Variants in DAAM2 observed in about 807,000 individuals in gnomAD.
DAAM2 encodes the protein disheveled-associated activator of morphogenesis 2.
A neutral mutation model predicts 120.7 loss-of-function variants in DAAM2; 39 were observed. The observed-to-expected ratio is 0.32, with a 90% CI of 0.25 to 0.42. DAAM2 has a LOEUF of 0.42. DAAM2 is among the 10% of genes least tolerant of loss of function. The pLI, the probability that DAAM2 is intolerant of heterozygous loss-of-function variation, is 1.00. For synonymous variants in DAAM2, 488 were observed against 524.9 expected (o/e 0.93, Z 0.96); for missense variants, 1,283 against 1,401.7 (o/e 0.92, Z 1.35).
intron 1 of DAAM2, among the ~76,000 whole-genome samples, chr6:39,829,123 G>C (rs551226241): frequency 6.6e-6 from 1 of 152,312 alleles, no homozygotes; most frequent in South Asian, 2.1e-4. Flanking sequence ...TTCACCCAGG[G>C]ACCAGCTTCA....
intron 1 of DAAM2, among the ~76,000 whole-genome samples, chr6:39,832,825 G>C (rs978577019): frequency 6.6e-6 from 1 of 152,172 alleles, no homozygotes; most frequent in Non-Finnish European, 1.5e-5. Context: ...CTCCATTGAA[G>C]GGGCCAGGTC....
intron 1 of DAAM2, among the ~76,000 whole-genome samples, chr6:39,830,515 T>G (rs1211002802): frequency 6.6e-6 from 1 of 152,128 alleles, no homozygotes; most frequent in Admixed American, 6.5e-5. Flanking sequence ...GGACAAGTGA[T>G]GCTGACAGAC....
In DAAM2 at chr6:39,875,460, C is replaced by T. The variant is rs368084257; in HGVS notation, c.1293C>T (p.Ile431=). 7.1e-5 allele frequency: 114 copies of T among 1,613,342 alleles called. No homozygotes were observed. The highest frequency in any genetic ancestry group is 4.0e-4 in the Admixed American group (24 of 59,968). The part of the protein sequence containing the change: ...APLENFNVKN[I]VNMLINENEV... ...TGGAGAACTTCAATGTCAAGAACAT[C>T]GTCAACATGTGAGCAGTGGCCAGCC... Residue 431 remains isoleucine (I), a synonymous_variant, in exon 11 of 25, where the codon ATC becomes ATT. Coordinates refer to ENST00000274867, the MANE Select transcript of DAAM2 (RefSeq NM_001201427.2).
At chr6:39,808,697 CTG>C (rs1482901451) in intron 1 of DAAM2, among the ~76,000 whole-genome samples, 7 of 152,252 alleles carry the variant, frequency 4.6e-5, no homozygotes, top group Non-Finnish European at 5.9e-5. Flanking sequence ...GTGACATACA[CTG>C]TGTTGGCCCT....
At chr6:39,815,981 T>C (rs1762298101) in intron 1 of DAAM2, among the ~76,000 whole-genome samples, 1 of 152,214 alleles carries the variant, frequency 6.6e-6, no homozygotes, top group African/African-American at 2.4e-5. Flanking sequence ...TTCTAAAGAA[T>C]GGACCTTCTA....
At chr6:39,845,767 T>C (rs1048194059) in intron 1 of DAAM2, among the ~76,000 whole-genome samples, 2 of 151,942 alleles carry the variant, frequency 1.3e-5, no homozygotes, top group African/African-American at 4.8e-5. Context: ...TGCTTTGTCC[T>C]GAAAACTCCG....
At chr6:39,891,490 T>TGGCAGGTGG (rs764766532) in intron 18 of DAAM2, 43 bp downstream of exon 18, 980 of 1,548,070 alleles carry the variant, frequency 6.3e-4, no homozygotes, top group African/African-American at 2.2e-3. Context: ...GGTGGGGTTC[T>TGGCAGGTGG]GGCAGGTGGG....
chr6:39,900,254 A>G, intron 23 of DAAM2, 46 bp downstream of exon 23: 3 of 1,594,122 alleles, frequency 1.9e-6, no homozygotes, highest in Non-Finnish European at 1.7e-6. Flanking sequence ...AGCCTTATCT[A>G]AACAAGCTCC....
At chr6:39,850,831 G>A (rs1763782942) in intron 1 of DAAM2, among the ~76,000 whole-genome samples, 1 of 152,180 alleles carries the variant, frequency 6.6e-6, no homozygotes, top group African/African-American at 2.4e-5. Flanking sequence ...TCTGAAGGTA[G>A]GAAAGGAGGC....
chr6:39,817,234 T>C (rs1193240745), intron 1 of DAAM2, among the ~76,000 whole-genome samples: 1 of 152,228 alleles, frequency 6.6e-6, no homozygotes, highest in Non-Finnish European at 1.5e-5. Context: ...CAAAATCCTT[T>C]TATGATTCTA....
intron 1 of DAAM2, among the ~76,000 whole-genome samples, chr6:39,830,959 G>A (rs1391869451): frequency 2.6e-5 from 4 of 152,198 alleles, no homozygotes; most frequent in African/African-American, 9.6e-5. Context: ...ACCGGAGTGG[G>A]CATATTTACA....
chr6:39,803,087 T>C (rs976427001), intron 1 of DAAM2, among the ~76,000 whole-genome samples: 1 of 152,220 alleles, frequency 6.6e-6, no homozygotes, highest in Admixed American at 6.5e-5. Context: ...TCCATTTTTC[T>C]GTTGATGGGC....
intron 3 of DAAM2, 161 bp downstream of exon 3, chr6:39,861,178 G>T: frequency 2.8e-6 from 2 of 707,800 alleles, no homozygotes; most frequent in Non-Finnish European, 5.1e-6. Context: ...AGGAAATTCT[G>T]CTGTCCTGGA....
chr6:39,874,965 C>A (rs1582715314), intron 10 of DAAM2, among the ~76,000 whole-genome samples: 1 of 152,154 alleles, frequency 6.6e-6, no homozygotes, highest in African/African-American at 2.4e-5. Flanking sequence ...CATTATTCAG[C>A]ATGTAATATT....
chr6:39,815,740 A>G (rs1762290536), intron 1 of DAAM2, among the ~76,000 whole-genome samples: 1 of 152,002 alleles, frequency 6.6e-6, no homozygotes, highest in Non-Finnish European at 1.5e-5. Context: ...TGGGGAGACC[A>G]AGGGTATTTG....
intron 1 of DAAM2, among the ~76,000 whole-genome samples, chr6:39,842,547 C>A (rs1005008033): frequency 6.6e-6 from 1 of 152,028 alleles, no homozygotes; most frequent in Non-Finnish European, 1.5e-5. Context: ...GCAGGAGAAT[C>A]GCTTGAACCC....
At chr6:39,899,973 A>G (rs1000024659) in intron 22 of DAAM2, 104 bp from the exon 23 acceptor site, 3 of 1,329,084 alleles carry the variant, frequency 2.3e-6, no homozygotes, top group Admixed American at 2.4e-5. Flanking sequence ...TCCCTCTTCC[A>G]AAGGGCTCAA....
chr6:39,879,302 C>T lies in DAAM2; in HGVS notation c.1670C>T (p.Pro557Leu). ...LPFACCPPPP[P>L]PPLPPGGPPT... ...TTTGCCTGTTGTCCCCCTCCCCCAC[C>T]ACCACCCCTTCCTCCCGGGGGACCC... Residue 557 changes from proline (P) to leucine (L), a missense_variant, in exon 14 of 25, where the codon CCA (proline) becomes CTA (leucine). Transcript: ENST00000274867. 1 of 1,524,636 alleles carries T rather than the reference C, an allele frequency of 6.6e-7. No individual in the cohort carries two copies. The highest frequency in any genetic ancestry group is 1.8e-5 in the Admixed American group (1 of 54,570). The allele number at this position is 1,524,636 out of a possible 1,614,324, so 94.4% of individuals were successfully genotyped here.
At chr6:39,855,326 A>G (rs1763957120) in intron 1 of DAAM2, among the ~76,000 whole-genome samples, 1 of 152,188 alleles carries the variant, frequency 6.6e-6, no homozygotes, top group South Asian at 2.1e-4. Flanking sequence ...CAAGCTGGTC[A>G]TCATTGACCT....
Sources: gnomAD v4.1 joint callset for allele counts (sites outside exome capture counted in the v4.1 genomes callset) on GRCh38, gnomAD v4.1.1 for gene constraint, MANE v1.5 for transcripts, NCBI Gene and HGNC (gene_info 2026-07-23, HGNC 2026-07-21) for gene names.